The following WDR72 variants were observed in gnomAD, a reference collection of about 807,000 sequenced individuals.
The protein encoded by WDR72 is WD repeat domain 72, also known as WD repeat-containing protein 72.
In WDR72, 120 loss-of-function variants were observed where a neutral mutation model predicts 124.2. That is an observed-to-expected ratio of 0.97 (90% CI 0.83 to 1.12). The LOEUF (loss-of-function observed/expected upper bound fraction) is 1.12, where lower values mean the gene tolerates loss of function less well. Ranked by LOEUF, WDR72 falls within the 50% of genes most tolerant of loss-of-function variation. The pLI is 0.00. For synonymous variants in WDR72, 452 were observed against 441.7 expected (o/e 1.02, Z -0.29); for missense variants, 1,387 against 1,278.8 (o/e 1.08, Z -1.29).
chr15:53,619,694 C>CT (rs2013912100), intron 14 of WDR72, among the ~76,000 whole-genome samples: 2 of 152,036 alleles, frequency 1.3e-5, no homozygotes, highest in South Asian at 4.1e-4. Context: ...CTCTTTTAAC[C>CT]TTTATAGTGG....
chr15:53,565,699 T>C (rs1304681701), intron 18 of WDR72, among the ~76,000 whole-genome samples: 3 of 151,830 alleles, frequency 2.0e-5, no homozygotes. Flanking sequence ...TCTCTTGCTC[T>C]TACAAGCAAA....
intron 3 of WDR72, among the ~76,000 whole-genome samples, chr15:53,719,932 T>C (rs891863570): frequency 6.6e-6 from 1 of 152,160 alleles, no homozygotes; most frequent in Non-Finnish European, 1.5e-5. Flanking sequence ...TATAAACCTT[T>C]CTATTGGGGC....
In WDR72 at chr15:53,597,269, A is replaced by C. The variant is rs1271716272; in HGVS notation, c.2958T>G (p.Thr986=). The C allele has an allele frequency of 6.2e-7, 1 of 1,613,528 alleles. No homozygotes were observed. Among genetic ancestry groups the C allele is most frequent in the African/African-American group, 1.3e-5 (1 of 74,924 alleles). ...SCWRDQSVQV[T]EAIQAVLLAE... ...CCAAGAGAACAGCTTGTATTGCTTCAGTTACCTGTAAGGTATTTTTTTAAG... is the reference window on the plus strand; with the variant it reads ...CCAAGAGAACAGCTTGTATTGCTTCCGTTACCTGTAAGGTATTTTTTTAAG... Residue 986 remains threonine (T), a synonymous_variant, in exon 18 of 20, where the codon ACT becomes ACG. Coordinates refer to ENST00000360509, the MANE Select transcript of WDR72 (RefSeq NM_182758.4).
intron 2 of WDR72, among the ~76,000 whole-genome samples, chr15:53,730,748 T>A (rs1313464612): frequency 6.6e-6 from 1 of 152,174 alleles, no homozygotes; most frequent in Non-Finnish European, 1.5e-5. Flanking sequence ...GGACTCCTTT[T>A]TTTCTACCCC....
At chr15:53,687,777 C>T (rs1418671916) in intron 13 of WDR72, among the ~76,000 whole-genome samples, 2 of 148,796 alleles carry the variant, frequency 1.3e-5, no homozygotes, top group Non-Finnish European at 3.0e-5. Context: ...AATTTTAGAC[C>T]AATATCCTTG....
intron 1 of WDR72, among the ~76,000 whole-genome samples, chr15:53,758,154 C>G (rs569945799): frequency 6.6e-6 from 1 of 151,978 alleles, no homozygotes; most frequent in Non-Finnish European, 1.5e-5. Flanking sequence ...TATGGACTGA[C>G]GCACACCACC....
chr15:53,741,812 C>T (rs2018517916), intron 1 of WDR72, among the ~76,000 whole-genome samples: 1 of 151,828 alleles, frequency 6.6e-6, no homozygotes, highest in Non-Finnish European at 1.5e-5. Flanking sequence ...ACTGCAAACT[C>T]TGCCTCCCAA....
chr15:53,542,472 C>A (rs1240028824), intron 18 of WDR72, among the ~76,000 whole-genome samples: 8 of 18,794 alleles, frequency 4.3e-4, no homozygotes, highest in East Asian at 1.5e-3. Context: ...CAGGCCTGCC[C>A]TAAAAGAGCT....
intron 16 of WDR72, among the ~76,000 whole-genome samples, chr15:53,612,902 G>A (rs1161981400): frequency 6.6e-6 from 1 of 151,854 alleles, no homozygotes; most frequent in East Asian, 1.9e-4. Context: ...CAGGGGTGAG[G>A]GTGAGGGAAA....
intron 1 of WDR72, among the ~76,000 whole-genome samples, chr15:53,750,669 C>G (rs2018752365): frequency 6.6e-6 from 1 of 152,142 alleles, no homozygotes; most frequent in African/African-American, 2.4e-5. Context: ...ACTTTAGGTG[C>G]CTTGAGAACA....
intron 14 of WDR72, among the ~76,000 whole-genome samples, chr15:53,660,440 A>G (rs1194737464): frequency 6.6e-6 from 1 of 152,140 alleles, no homozygotes; most frequent in Non-Finnish European, 1.5e-5. Flanking sequence ...TCATAAGGTG[A>G]TAGGTAGTAG....
intron 18 of WDR72, among the ~76,000 whole-genome samples, chr15:53,585,883 A>C: frequency 6.6e-6 from 1 of 152,068 alleles, no homozygotes; most frequent in East Asian, 1.9e-4. Context: ...CCTCTCTTTA[A>C]GAGGGATTTT....
Position 53,523,293 on chromosome 15 carries a change from T to C in WDR72, c.3178A>G (p.Asn1060Asp), listed in dbSNP as rs757537335. The C allele has an allele frequency of 1.2e-6, 2 of 1,612,850 alleles. No homozygotes were observed. The highest frequency in any genetic ancestry group is 3.3e-5 in the Admixed American group (2 of 59,898). The change falls in exon 19 of 20, where the codon AAC becomes GAC. Residue 1060 changes from asparagine (N) to aspartate (D), a missense_variant. Transcript: ENST00000360509. ...TPVSPVKHDS[N>D]SNSANFQDVE... ...TCTTGGAAGTTTGCCGAGTTTGAGT[T>C]GCTGTCATGCTTGACCGGGCTGACT... is the stretch of plus-strand genomic sequence containing the variant.
chr15:53,533,332 T>C (rs144542955), intron 18 of WDR72, among the ~76,000 whole-genome samples: 42 of 152,016 alleles, frequency 2.8e-4, no homozygotes, highest in African/African-American at 9.9e-4. Flanking sequence ...TAAAAAGTTA[T>C]ATATACCTAT....
chr15:53,655,027 T>C (rs1048373187), intron 14 of WDR72, among the ~76,000 whole-genome samples: 7 of 151,942 alleles, frequency 4.6e-5, no homozygotes, highest in Non-Finnish European at 1.0e-4. Context: ...GGTCAGGAGT[T>C]CAAGACAAGC....
intron 14 of WDR72, among the ~76,000 whole-genome samples, chr15:53,631,464 G>C (rs376214196): frequency 6.6e-6 from 1 of 152,176 alleles, no homozygotes; most frequent in East Asian, 1.9e-4. Context: ...TTGTCACTGA[G>C]GAGTGGAGCA....
intron 13 of WDR72, among the ~76,000 whole-genome samples, chr15:53,681,333 G>A (rs2016377175): frequency 6.6e-6 from 1 of 152,142 alleles, no homozygotes; most frequent in South Asian, 2.1e-4. Context: ...CGTTACAGCT[G>A]TGAAACCCAC....
chr15:53,706,344 GTGTGTGTA>G (rs1201904172), intron 9 of WDR72, among the ~76,000 whole-genome samples: 81 of 46,066 alleles, frequency 1.8e-3, no homozygotes, highest in African/African-American at 6.7e-3. Flanking sequence ...GTGTGTGTGT[GTGTGTGTA>G]TATATATATA....
At chr15:53,698,156 A>C (rs2140516286) in intron 13 of WDR72, among the ~76,000 whole-genome samples, 1 of 152,322 alleles carries the variant, frequency 6.6e-6, no homozygotes, top group Admixed American at 6.5e-5. Flanking sequence ...AAGAAGTACT[A>C]ATGGTTTGGC....
Sources: gnomAD v4.1 joint callset for allele counts (sites outside exome capture counted in the v4.1 genomes callset) on GRCh38, gnomAD v4.1.1 for gene constraint, MANE v1.5 for transcripts, NCBI Gene and HGNC (gene_info 2026-07-23, HGNC 2026-07-21) for gene names.